FAHD1: variants seen among roughly 807,000 people sequenced by gnomAD.
FAHD1 encodes the protein FAH domain containing oxaloacetate decarboxylase 1, also known as oxaloacetate tautomerase FAHD1, mitochondrial.
A neutral mutation model predicts 12.7 loss-of-function variants in FAHD1; 14 were observed. The observed-to-expected ratio is 1.10, with a 90% CI of 0.73 to 1.72. FAHD1 has a LOEUF of 1.72. Among genes scored for constraint, FAHD1 ranks in the 40% most tolerant of loss-of-function variants. FAHD1 has a pLI of 0.00. For missense variants in FAHD1, 351 were observed against 298.9 expected (o/e 1.17, Z -1.29); for synonymous variants, 153 against 124.9 (o/e 1.22, Z -1.50).
At chr16:1,839,112 G>A in intron 2 of FAHD1, 1 of 959,138 alleles carries the variant, frequency 1.0e-6, no homozygotes, top group Admixed American at 3.2e-5. Flanking sequence ...AGCAATGTGT[G>A]TTTAAAGCAA....
At chr16:1,830,942 A>ACACACACACACC (rs763868736), downstream of FAHD1, among the ~76,000 whole-genome samples, 3 of 127,986 alleles carry the variant, frequency 2.3e-5, no homozygotes, top group Non-Finnish European at 5.2e-5. Context: ...ACACACACAC[A>ACACACACACACC]CACCCATATT....
downstream of FAHD1, among the ~76,000 whole-genome samples, chr16:1,831,000 GCATACATCTC>G (rs1898613258): frequency 6.6e-6 from 1 of 151,172 alleles, no homozygotes; most frequent in East Asian, 1.9e-4. Context: ...TTCCCTTTCA[GCATACATCTC>G]CCAAGAATCA....
downstream of FAHD1, among the ~76,000 whole-genome samples, chr16:1,830,689 A>G (rs1187744604): frequency 2.6e-5 from 4 of 152,324 alleles, no homozygotes; most frequent in East Asian, 5.8e-4. Flanking sequence ...AATTCCTGAT[A>G]TTGCTAAAAT....
At chr16:1,832,462 C>T (rs1490970713), downstream of FAHD1, among the ~76,000 whole-genome samples, 4 of 150,042 alleles carry the variant, frequency 2.7e-5, no homozygotes, top group South Asian at 2.1e-4. Context: ...TGAGCCACCG[C>T]GCCTGGCCTA....
At chr16:1,839,526 C>CTA in exon 3 of FAHD1, 1 of 1,236,958 alleles carries the variant, frequency 8.1e-7, no homozygotes, top group East Asian at 2.5e-5. Flanking sequence ...ACTAAAAACT[C>CTA]TACGACAGTG....
Position 1,828,288 on chromosome 16 carries a change from A to AC in FAHD1, c.*384_*385insC, listed in dbSNP as rs1270434720. On this transcript the variant is annotated 3_prime_UTR_variant, in exon 1 of 1. Transcript: ENST00000427358. ...AGACTCCGTCTCAAAAAAAAAAAAA[A>AC]AAAAAGAAACCATTTATTTTAAAAA... 1.9e-3 allele frequency: 1,953 copies of AC among 1,003,742 alleles called. 4 individuals carry two copies. Among genetic ancestry groups the AC allele is most frequent in the Admixed American group, 2.1e-3 (38 of 18,018 alleles). 62.2% of individuals were successfully genotyped at this position (1,003,742 alleles called of 1,614,324 possible).
intron 1 of FAHD1, chr16:1,837,761 A>G: frequency 8.6e-7 from 1 of 1,156,724 alleles, no homozygotes; most frequent in Non-Finnish European, 1.2e-6. Context: ...ATAGAATAAT[A>G]TGGGACTATA....
exon 2 of FAHD1, chr16:1,838,092 G>T: frequency 1.3e-6 from 1 of 758,138 alleles, no homozygotes; most frequent in Admixed American, 2.7e-5. Flanking sequence ...GAACTCCCGG[G>T]GTCAAGCAAT....
chr16:1,827,692 G>T lies in FAHD1; in HGVS notation c.454G>T (p.Glu152Ter). ...GAAGCTCTGGCTCAAGGTCAACGGCGAACTCAGACAGGAGGGTGAGACATC... is the reference window on the plus strand; with the variant it reads ...GAAGCTCTGGCTCAAGGTCAACGGCTAACTCAGACAGGAGGGTGAGACATC... Residue 152 changes from glutamate (E) to a stop codon, truncating the protein, a stop_gained, in exon 1 of 1, where the codon GAA (glutamate) becomes TAA (stop). Coordinates refer to ENST00000427358, the Ensembl canonical transcript of FAHD1. LOFTEE classifies it high-confidence loss of function. 6.2e-7 allele frequency: 1 copy of T among 1,614,106 alleles called. No individual in the cohort carries two copies. Among genetic ancestry groups the T allele is most frequent in the Non-Finnish European group, 8.5e-7 (1 of 1,180,038 alleles).
At chr16:1,835,262 C>CAA (rs372656598) in intron 1 of FAHD1, among the ~76,000 whole-genome samples, 1 of 106,166 alleles carries the variant, frequency 9.4e-6, no homozygotes, top group African/African-American at 3.6e-5. Context: ...GACTGTGTCT[C>CAA]AAAAAAAAAA....
exon 1 of FAHD1, chr16:1,828,533 C>G: frequency 1.0e-6 from 1 of 1,000,228 alleles, no homozygotes; most frequent in African/African-American, 1.7e-5. Flanking sequence ...CACTTAAAAA[C>G]TGCAGAGAAA....
chr16:1,831,929 CTG>C (rs529221851), downstream of FAHD1, among the ~76,000 whole-genome samples: 39 of 152,232 alleles, frequency 2.6e-4, no homozygotes, highest in African/African-American at 8.9e-4. Context: ...CGTGGAAAAA[CTG>C]TCTTCCACCA....
downstream of FAHD1, among the ~76,000 whole-genome samples, chr16:1,832,315 C>CAACT: frequency 6.7e-6 from 1 of 149,636 alleles, no homozygotes. Flanking sequence ...GGACTACAGG[C>CAACT]GCCCTCCACC....
In FAHD1 at chr16:1,834,937, C is replaced by A. The variant is rs562691778; in HGVS notation, c.628-3079C>A. Among the ~76,000 whole-genome samples the A allele has an allele frequency of 1.0e-3, 122 of 116,994 alleles. 1 individual carries two copies. The highest frequency in any genetic ancestry group is 3.9e-3 in the Middle Eastern group (1 of 256). The allele number at this position is 116,994 out of a possible 152,430, so 76.8% of individuals were successfully genotyped here. On this transcript the variant is annotated intron_variant, in intron 1 of 2. Coordinates refer to the FAHD1 transcript ENST00000382666. ...GCAACTAGAGCGAAACTCTGTCCCC[C>A]CCACCCCCCCCCACTAAAAAAAATG...
chr16:1,829,513 C>T (rs72762857), downstream of FAHD1, among the ~76,000 whole-genome samples: 26,984 of 152,044 alleles, frequency 0.18, 2,537 homozygotes, highest in South Asian at 0.27. Context: ...GACCACAATG[C>T]AGGCTGCATC....
chr16:1,834,478 A>G (rs1430581407), intron 1 of FAHD1: 8 of 603,338 alleles, frequency 1.3e-5, no homozygotes, highest in Non-Finnish European at 2.1e-5. Context: ...AGTTTTGTTT[A>G]CAGATACTAA....
At chr16:1,829,736 C>T (rs117802351), downstream of FAHD1, among the ~76,000 whole-genome samples, 124 of 152,144 alleles carry the variant, frequency 8.2e-4, no homozygotes, top group Non-Finnish European at 1.5e-3. Context: ...AACAAAACAC[C>T]AAAAATTTCA....
rs71145497 is a variant in FAHD1 at position 1,828,274 on chromosome 16, CAAAAAA to C, written c.*384_*389del. 6.0e-5 allele frequency: 48 copies of C among 801,740 alleles called. No homozygotes were observed. The Admixed American group carries it at 1.8e-3, about 30-fold the overall frequency. 49.7% of individuals were successfully genotyped at this position (801,740 alleles called of 1,614,324 possible). ...CCTGGGCAACAGCGAGACTCCGTCT[CAAAAAA>C]AAAAAAAAAAAAAGAAACCATTTAT... On this transcript the variant is annotated 3_prime_UTR_variant, in exon 1 of 1. Coordinates refer to ENST00000427358, the Ensembl canonical transcript of FAHD1.
chr16:1,827,958 G>C (rs568035655), exon 1 of FAHD1: 3 of 1,574,394 alleles, frequency 1.9e-6, no homozygotes, highest in Admixed American at 1.8e-5. Context: ...AGCAAGCAAC[G>C]GCTATTAAAT....
Sources: gnomAD v4.1 joint callset for allele counts (sites outside exome capture counted in the v4.1 genomes callset) on GRCh38, gnomAD v4.1.1 for gene constraint, MANE v1.5 for transcripts, NCBI Gene and HGNC (gene_info 2026-07-23, HGNC 2026-07-21) for gene names.